Variants in TBC1D2B observed in about 807,000 individuals in gnomAD.
The protein encoded by TBC1D2B is TBC1 domain family, member 2B.
A neutral mutation model predicts 100.8 loss-of-function variants in TBC1D2B; 64 were observed. The observed-to-expected ratio is 0.64, with a 90% CI of 0.52 to 0.78. TBC1D2B has a LOEUF of 0.78. Among genes scored for constraint, TBC1D2B ranks in the 30% least tolerant of loss-of-function variants. The pLI is 0.00. For missense variants in TBC1D2B, 1,052 were observed against 1,218.4 expected (o/e 0.86, Z 2.03); for synonymous variants, 480 against 479.7 (o/e 1.00, Z -0.01).
At chr15:78,009,241 A>C (rs1013844076) in intron 9 of TBC1D2B, 127 bp from the exon 10 acceptor site, 2 of 652,222 alleles carry the variant, frequency 3.1e-6, no homozygotes, top group Non-Finnish European at 2.7e-6. Flanking sequence ...TTCTCCAATA[A>C]AGAATAATAA....
chr15:78,059,002 A>G (rs2073484941), intron 1 of TBC1D2B, among the ~76,000 whole-genome samples: 1 of 152,044 alleles, frequency 6.6e-6, no homozygotes, highest in Non-Finnish European at 1.5e-5. Flanking sequence ...TCTTCAGAGC[A>G]GGTTTCCCTG....
At chr15:78,042,386 T>C (rs890124575) in intron 3 of TBC1D2B, among the ~76,000 whole-genome samples, 1 of 152,166 alleles carries the variant, frequency 6.6e-6, no homozygotes, top group Non-Finnish European at 1.5e-5. Context: ...GAGACCTGGG[T>C]GTGTGTTCAG....
At chr15:78,027,583 G>T (rs1279776543) in intron 4 of TBC1D2B, among the ~76,000 whole-genome samples, 2 of 152,154 alleles carry the variant, frequency 1.3e-5, no homozygotes, top group Admixed American at 1.3e-4. Flanking sequence ...CCTCAAAGGG[G>T]ATGAAGGGTT....
intron 12 of TBC1D2B, among the ~76,000 whole-genome samples, chr15:78,000,246 G>GC (rs1375945314): frequency 6.6e-5 from 10 of 152,238 alleles, no homozygotes; most frequent in African/African-American, 2.4e-4. Context: ...ACCATGCAAG[G>GC]CCCAGCAGTG....
intron 3 of TBC1D2B, among the ~76,000 whole-genome samples, chr15:78,042,766 C>T (rs1045020191): frequency 2.6e-5 from 4 of 152,330 alleles, no homozygotes; most frequent in Non-Finnish European, 5.9e-5. Flanking sequence ...AGTGCTAATA[C>T]TGGGAACAGC....
chr15:78,046,065 G>A (rs754293438), intron 2 of TBC1D2B, among the ~76,000 whole-genome samples: 19 of 152,060 alleles, frequency 1.2e-4, no homozygotes, highest in Non-Finnish European at 2.2e-4. Context: ...CCAAGTAGCT[G>A]GGATTACAGG....
Position 78,025,452 on chromosome 15 carries a change from T to C in TBC1D2B, c.893A>G (p.Tyr298Cys), listed in dbSNP as rs769969645. 5.6e-6 allele frequency: 9 copies of C among 1,613,776 alleles called. No homozygotes were observed. Among genetic ancestry groups the C allele is most frequent in the African/African-American group, 2.7e-5 (2 of 74,908 alleles). ...GTCTTTCAAAGGGCGCTTTCCTTTG[T>C]AGGGGTTACGTCCAAAATCAAAGGG... Reference protein sequence around the residue: ...GFPFDFGRNPYKGKRPLKDII... With the variant: ...GFPFDFGRNPCKGKRPLKDII... Residue 298 changes from tyrosine to cysteine, a missense_variant, in exon 5 of 13, where the codon TAC becomes TGC. Coordinates refer to ENST00000300584, the MANE Select transcript of TBC1D2B (RefSeq NM_144572.2).
Position 78,013,110 on chromosome 15 carries a change from C to A in TBC1D2B, c.1983G>T (p.Ala661=), listed in dbSNP as rs1180087432. ...CSPELKNLIR[A]GIPHEHRSKV... ...TGGAACGGTGCTCGTGGGGAATGCC[C>A]GCACGGATGAGGTTTTTTAACTCTG... Residue 661 remains alanine, a synonymous_variant, in exon 9 of 13, where the codon GCG becomes GCT. Transcript: ENST00000300584. 6.2e-7 allele frequency: 1 copy of A among 1,613,844 alleles called. No individual in the cohort carries two copies. The highest frequency in any genetic ancestry group is 1.3e-5 in the African/African-American group (1 of 74,900).
intron 6 of TBC1D2B, among the ~76,000 whole-genome samples, chr15:78,021,606 C>G (rs1029785607): frequency 2.0e-5 from 3 of 152,226 alleles, no homozygotes; most frequent in South Asian, 2.1e-4. Flanking sequence ...AGCATGAGGT[C>G]ATGGACCCAG....
chr15:78,025,753 C>T (rs1055092113), intron 4 of TBC1D2B: 2 of 208,058 alleles, frequency 9.6e-6, no homozygotes, highest in Non-Finnish European at 1.9e-5. Context: ...GTCTTGATCT[C>T]CTGACGTTGT....
chr15:78,056,554 C>T lies in TBC1D2B; in HGVS notation c.361-2367G>A, dbSNP rs1348056618. ...TTGCAGTGCAGACACAGGAGCTCAGCCTGGCCCTGGGGCGGGGCAAAGAGC... is the reference window on the plus strand; with the variant it reads ...TTGCAGTGCAGACACAGGAGCTCAGTCTGGCCCTGGGGCGGGGCAAAGAGC... On this transcript the variant is annotated intron_variant, in intron 1 of 12. Coordinates refer to ENST00000300584, the MANE Select transcript of TBC1D2B (RefSeq NM_144572.2). Among the ~76,000 whole-genome samples, 4 of 152,180 alleles carry T rather than the reference C, an allele frequency of 2.6e-5. No homozygotes were observed. The South Asian group carries it at 8.3e-4, about 31-fold the overall frequency.
chr15:78,060,659 G>GTAA (rs970280574), intron 1 of TBC1D2B, among the ~76,000 whole-genome samples: 1 of 151,922 alleles, frequency 6.6e-6, no homozygotes, highest in Admixed American at 6.6e-5. Flanking sequence ...GCTCACTCCT[G>GTAA]TAATCCCAGC....
intron 3 of TBC1D2B, among the ~76,000 whole-genome samples, chr15:78,031,001 T>C (rs1407321251): frequency 1.3e-5 from 2 of 152,206 alleles, no homozygotes; most frequent in Non-Finnish European, 1.5e-5. Flanking sequence ...ATTATTATTC[T>C]TGTGGAATGT....
chr15:78,053,906 G>T, intron 2 of TBC1D2B, 128 bp downstream of exon 2: 1 of 1,077,576 alleles, frequency 9.3e-7, no homozygotes, highest in Non-Finnish European at 1.3e-6. Context: ...GTGGAATGCT[G>T]TCCACTCATA....
chr15:78,065,975 T>C (rs2073647850), intron 1 of TBC1D2B: 1 of 470,748 alleles, frequency 2.1e-6, no homozygotes, highest in Admixed American at 2.3e-5. Flanking sequence ...TCCTATATCA[T>C]TGTTACCCAC....
intron 4 of TBC1D2B, among the ~76,000 whole-genome samples, chr15:78,027,117 T>TAC (rs1171268799): frequency 1.3e-5 from 2 of 151,832 alleles, no homozygotes; most frequent in Non-Finnish European, 2.9e-5. Context: ...GAAATATATA[T>TAC]ACTCACATTA....
At position 78,024,438 on chromosome 15, in the gene TBC1D2B, C is replaced by T; in HGVS notation, c.1188G>A (p.Glu396=). ...LCEGVPKDTL[E]LLHQKDDQIL... ...TCTGATCATCCTTTTGGTGCAGAAG[C>T]TCGAGCGTGTCCTTTGGGACCCCCT... The change falls in exon 6 of 13, where the codon GAG becomes GAA. Residue 396 remains glutamate (E), a synonymous_variant. Transcript: ENST00000300584. The T allele has an allele frequency of 1.2e-6, 2 of 1,614,052 alleles. No individual in the cohort carries two copies. The highest frequency in any genetic ancestry group is 8.5e-7 in the Non-Finnish European group (1 of 1,179,892).
At chr15:78,034,666 A>G in intron 3 of TBC1D2B, 1 of 985,388 alleles carries the variant, frequency 1.0e-6, no homozygotes, top group Non-Finnish European at 1.2e-6. Context: ...TGCAAGCCTG[A>G]GTCGTACGCT....
intron 2 of TBC1D2B, among the ~76,000 whole-genome samples, chr15:78,051,306 T>C (rs1038871774): frequency 2.6e-5 from 4 of 152,226 alleles, no homozygotes; most frequent in Admixed American, 1.3e-4. Context: ...TACATATGGC[T>C]CTTTACACTT....
Sources: allele counts gnomAD v4.1 joint callset (sites outside exome capture counted in the v4.1 genomes callset), GRCh38; gene constraint gnomAD v4.1.1; transcripts MANE v1.5; gene names NCBI Gene and HGNC (gene_info 2026-07-23, HGNC 2026-07-21).